Variants in TMEM244 observed in about 807,000 individuals in gnomAD.
The protein encoded by TMEM244 is transmembrane protein 244.
In TMEM244, 13 loss-of-function variants were observed where a neutral mutation model predicts 15.8. That is an observed-to-expected ratio of 0.82 (90% CI 0.53 to 1.30). The LOEUF (loss-of-function observed/expected upper bound fraction) is 1.30. TMEM244 is among the 50% of genes most tolerant of loss of function. TMEM244 has a pLI of 0.00. For synonymous variants in TMEM244, 45 were observed against 48.7 expected, an observed-to-expected ratio of 0.92 and a Z score of 0.32; for missense variants, 161 against 144.9, an observed-to-expected ratio of 1.11 and a Z score of -0.57.
intron 1 of TMEM244, among the ~76,000 whole-genome samples, chr6:129,857,412 A>G (rs1338369756): frequency 6.6e-6 from 1 of 151,744 alleles, no homozygotes; most frequent in Admixed American, 6.6e-5. Flanking sequence ...CTGGAGTGCA[A>G]TGGTGAGATC....
intron 3 of TMEM244, among the ~76,000 whole-genome samples, chr6:129,834,260 G>C (rs17058033): frequency 0.075 from 11,358 of 152,216 alleles, 654 homozygotes; most frequent in South Asian, 0.21. Context: ...CCCTGAACAC[G>C]TGATGGGTCA....
chr6:129,836,703 A>T (rs888875294), intron 3 of TMEM244, among the ~76,000 whole-genome samples: 7 of 152,224 alleles, frequency 4.6e-5, no homozygotes, highest in Non-Finnish European at 7.3e-5. Flanking sequence ...ATGGCTAACT[A>T]GAATAAACAG....
At chr6:129,833,694 A>C (rs1393637879) in intron 3 of TMEM244, 109 bp from the exon 4 acceptor site, 1 of 1,157,222 alleles carries the variant, frequency 8.6e-7, no homozygotes, top group African/African-American at 1.6e-5. Context: ...AATTTTGGTA[A>C]GAATTTTTTA....
At chr6:129,856,703 T>C (rs1776718107) in intron 1 of TMEM244, among the ~76,000 whole-genome samples, 1 of 152,158 alleles carries the variant, frequency 6.6e-6, no homozygotes, top group African/African-American at 2.4e-5. Context: ...CTCTCCTTTT[T>C]CTTTTCTTTA....
chr6:129,841,566 T>C (rs1453289970), intron 3 of TMEM244, among the ~76,000 whole-genome samples: 1 of 152,104 alleles, frequency 6.6e-6, no homozygotes, highest in Non-Finnish European at 1.5e-5. Context: ...ACTTAAAATA[T>C]AATAATAATA....
Position 129,834,930 on chromosome 6 carries a change from T to G in TMEM244, c.194-1345A>C, listed in dbSNP as rs112058311. ...CATTTAGAGATTTTATAGGTTAACT[T>G]GCAGCTGCTTGGAGATAGTGATTTT... On this transcript the variant is annotated intron_variant, in intron 3 of 4. Coordinates refer to ENST00000368143, the MANE Select transcript of TMEM244 (RefSeq NM_001010876.2). 2.5e-3 allele frequency among the ~76,000 whole-genome samples: 385 copies of G among 152,338 alleles called. 1 individual carries two copies. The highest frequency in any genetic ancestry group is 8.7e-3 in the African/African-American group (361 of 41,588).
At chr6:129,859,704 A>G (rs1406640173) in intron 1 of TMEM244, among the ~76,000 whole-genome samples, 1 of 152,194 alleles carries the variant, frequency 6.6e-6, no homozygotes, top group East Asian at 1.9e-4. Context: ...GCCTTTGGCC[A>G]TGACTCTTTC....
chr6:129,837,403 T>A (rs1221384237), intron 3 of TMEM244, among the ~76,000 whole-genome samples: 2 of 152,114 alleles, frequency 1.3e-5, no homozygotes, highest in Non-Finnish European at 2.9e-5. Flanking sequence ...CAGGCCTGCC[T>A]TACAAGAGGT....
intron 1 of TMEM244, among the ~76,000 whole-genome samples, chr6:129,858,576 T>C (rs562450300): frequency 1.1e-4 from 17 of 152,332 alleles, no homozygotes; most frequent in South Asian, 6.2e-4. Context: ...ATTTGTCTTA[T>C]AGATCTCATC....
At chr6:129,844,129 C>G (rs768989066) in intron 2 of TMEM244, among the ~76,000 whole-genome samples, 1 of 151,746 alleles carries the variant, frequency 6.6e-6, no homozygotes, top group Non-Finnish European at 1.5e-5. Flanking sequence ...TTATATGATA[C>G]CATTTGTATT....
Position 129,861,249 on chromosome 6 carries a change from A to G in TMEM244, c.-61T>C. 3 of 1,581,202 alleles carry G rather than the reference A, an allele frequency of 1.9e-6. No homozygotes were observed. The highest frequency in any genetic ancestry group is 2.6e-6 in the Non-Finnish European group (3 of 1,152,624). On this transcript the variant is annotated 5_prime_UTR_variant, in exon 1 of 5. Coordinates refer to ENST00000368143, the MANE Select transcript of TMEM244 (RefSeq NM_001010876.2). ...CACTCCTTATAGCGATGACATCTGG[A>G]AGAAGACACAATTGTCACCGTGAGC...
chr6:129,837,076 C>T (rs1013718018), intron 3 of TMEM244, among the ~76,000 whole-genome samples: 1 of 152,064 alleles, frequency 6.6e-6, no homozygotes, highest in African/African-American at 2.4e-5. Flanking sequence ...TAGAGAGACA[C>T]CACAAAGATA....
At chr6:129,841,363 A>G (rs1776487807) in intron 3 of TMEM244, among the ~76,000 whole-genome samples, 1 of 144,044 alleles carries the variant, frequency 6.9e-6, no homozygotes, top group Non-Finnish European at 1.5e-5. Context: ...CATAGGTGGG[A>G]GTTAAACAAA....
chr6:129,845,646 C>T (rs986673274), intron 2 of TMEM244, 121 bp downstream of exon 2: 2 of 782,138 alleles, frequency 2.6e-6, no homozygotes, highest in Non-Finnish European at 4.2e-6. Flanking sequence ...AAGTAAGAAA[C>T]TATGTCTTTA....
intron 2 of TMEM244, among the ~76,000 whole-genome samples, 159 bp from the exon 3 acceptor site, chr6:129,843,762 A>G (rs1374442861): frequency 6.6e-6 from 1 of 152,222 alleles, no homozygotes; most frequent in African/African-American, 2.4e-5. Context: ...AGGAATCAGC[A>G]ATGAAGATAA....
rs145100232 is a variant in TMEM244 at position 129,851,174 on chromosome 6, G to C, written c.34-5322C>G. Among the ~76,000 whole-genome samples, 1,270 of 152,230 alleles carry C rather than the reference G, an allele frequency of 8.3e-3. 23 individuals carry two copies. Among genetic ancestry groups the C allele is most frequent in the African/African-American group, 0.026 (1,082 of 41,526 alleles). Reference sequence around the variant, plus strand: ...GCTCATGTGGCCTATATGTGGCAGGGCTCCAGACCAGATCTGCTGGATGTT... The same window carrying C: ...GCTCATGTGGCCTATATGTGGCAGGCCTCCAGACCAGATCTGCTGGATGTT... On this transcript the variant is annotated intron_variant, in intron 1 of 4. Coordinates refer to ENST00000368143, the MANE Select transcript of TMEM244 (RefSeq NM_001010876.2).
At position 129,833,535 on chromosome 6, in the gene TMEM244, CA is replaced by C. The variant is rs1345384238; in HGVS notation, c.243del (p.Phe81LeufsTer33). The C allele has an allele frequency of 1.2e-6, 2 of 1,613,048 alleles. No homozygotes were observed. The highest frequency in any genetic ancestry group is 1.7e-6 in the Non-Finnish European group (2 of 1,179,522). The part of the protein sequence containing the change: ...EVTYFVCGLF[F>X]VPVVEEWVWD... ...CAAACCCATTCTTCCACAACTGGAA[CA>C]AAAAACAATCCACAAACAAAGTAGG... On this transcript the variant is annotated frameshift_variant, in exon 4 of 5. Transcript: ENST00000368143. LOFTEE classifies it high-confidence loss of function.
At chr6:129,859,358 A>T (rs1182049988) in intron 1 of TMEM244, among the ~76,000 whole-genome samples, 1 of 152,200 alleles carries the variant, frequency 6.6e-6, no homozygotes, top group Non-Finnish European at 1.5e-5. Flanking sequence ...TCTTTGGACA[A>T]TTCCTGGAGA....
chr6:129,851,135 A>C (rs1168436371), intron 1 of TMEM244, among the ~76,000 whole-genome samples: 1 of 152,190 alleles, frequency 6.6e-6, no homozygotes, highest in Non-Finnish European at 1.5e-5. Context: ...AGAGAGATTA[A>C]GGAACTAATC....
Sources: gnomAD v4.1 joint callset for allele counts (sites outside exome capture counted in the v4.1 genomes callset) on GRCh38, gnomAD v4.1.1 for gene constraint, MANE v1.5 for transcripts, NCBI Gene and HGNC (gene_info 2026-07-23, HGNC 2026-07-21) for gene names.